The following TMX3 variants were observed in gnomAD, a reference collection of about 807,000 sequenced individuals.
TMX3 encodes the protein thioredoxin related transmembrane protein 3.
TMX3 carries 40 observed loss-of-function variants against 64.4 expected under a neutral mutation model. The ratio of observed to expected loss-of-function variants is 0.62; its 90% CI spans 0.48 to 0.81. The LOEUF (loss-of-function observed/expected upper bound fraction) is 0.81. Ranked by LOEUF, TMX3 falls within the 30% of genes least tolerant of loss-of-function variation. TMX3 has a pLI of 0.00. For missense variants in TMX3, 497 were observed against 534.5 expected, an observed-to-expected ratio of 0.93 and a Z score of 0.69; for synonymous variants, 189 against 175.7, an observed-to-expected ratio of 1.08 and a Z score of -0.60.
intron 15 of TMX3, among the ~76,000 whole-genome samples, 171 bp downstream of exon 15, chr18:68,679,282 TAAACAATTAG>T (rs1231898996): frequency 1.3e-5 from 2 of 152,184 alleles, no homozygotes; most frequent in African/African-American, 4.8e-5. Context: ...ATCAATCATA[TAAACAATTAG>T]AAACAATTTC....
At chr18:68,713,612 A>G (rs2145156480) in intron 2 of TMX3, among the ~76,000 whole-genome samples, 1 of 152,312 alleles carries the variant, frequency 6.6e-6, no homozygotes, top group East Asian at 1.9e-4. Flanking sequence ...CATAAATACA[A>G]GGTAAGATAA....
chr18:68,681,515 T>A, intron 13 of TMX3: 5 of 984,776 alleles, frequency 5.1e-6, no homozygotes, highest in Non-Finnish European at 6.0e-6. Flanking sequence ...ATCTGGTACT[T>A]TAATCTTTGG....
At position 68,697,256 on chromosome 18, in the gene TMX3, G is replaced by T. The variant is rs768554722; in HGVS notation, c.540C>A (p.Phe180Leu). 2.1e-5 allele frequency: 34 copies of T among 1,582,410 alleles called. 1 individual carries two copies. The highest frequency in any genetic ancestry group is 2.7e-5 in the Non-Finnish European group (31 of 1,162,430). Residue 180 changes from phenylalanine (F) to leucine (L), a missense_variant, in exon 8 of 16, where the codon TTC becomes TTA. Transcript: ENST00000299608. ...AASELIVYTY[F>L]FSASEEVVPE... ...GAACCACTTCTTCTGAGGCAGAAAAGAAGTATGTATATACAATCAATTCTG... is the reference window on the plus strand; with the variant it reads ...GAACCACTTCTTCTGAGGCAGAAAATAAGTATGTATATACAATCAATTCTG...
At chr18:68,699,276 C>T (rs1224480838) in intron 6 of TMX3, among the ~76,000 whole-genome samples, 2 of 152,132 alleles carry the variant, frequency 1.3e-5, no homozygotes, top group East Asian at 1.9e-4. Context: ...TCTCCAATTA[C>T]ATCAGGAGAA....
Position 68,681,015 on chromosome 18 carries a change from T to C in TMX3, c.1001A>G (p.Gln334Arg), listed in dbSNP as rs1913369119. ...RQIKNVEDMV[Q>R]FINNILDGTV... Reference sequence around the variant, plus strand: ...GCCATCCAAAATGTTATTAATAAACTGGACCATGTCTTCAACATTCTTAAT... The same window carrying C: ...GCCATCCAAAATGTTATTAATAAACCGGACCATGTCTTCAACATTCTTAAT... Residue 334 changes from glutamine (Q) to arginine (R), a missense_variant, in exon 14 of 16, where the codon CAG (glutamine) becomes CGG (arginine). By Grantham distance (43) the Gln-to-Arg change is conservative. This residue lies in a region of TMX3 where 43 missense variants were observed against 75.3 expected (regional missense o/e 0.57). Transcript: ENST00000299608. 1 of 1,598,948 alleles carries C rather than the reference T, an allele frequency of 6.3e-7. No homozygotes were observed. The highest frequency in any genetic ancestry group is 1.1e-5 in the South Asian group (1 of 87,094).
intron 9 of TMX3, chr18:68,690,993 A>C (rs565832141): frequency 3.4e-6 from 1 of 292,480 alleles, no homozygotes; most frequent in South Asian, 1.5e-4. Flanking sequence ...TTACTTCAAA[A>C]AAATGAATTC....
chr18:68,703,454 G>A (rs1376030008), intron 4 of TMX3, among the ~76,000 whole-genome samples: 1 of 152,100 alleles, frequency 6.6e-6, no homozygotes, highest in Non-Finnish European at 1.5e-5. Context: ...CCCATGATAA[G>A]CCTCAGAGAG....
intron 10 of TMX3, chr18:68,686,669 T>C: frequency 1.1e-6 from 1 of 945,210 alleles, no homozygotes; most frequent in Non-Finnish European, 1.3e-6. Context: ...ATCACGTCAC[T>C]GCACTCCAGC....
chr18:68,692,004 A>G (rs1485059182), intron 8 of TMX3, among the ~76,000 whole-genome samples: 2 of 152,246 alleles, frequency 1.3e-5, no homozygotes, highest in Non-Finnish European at 2.9e-5. Context: ...TAAGTAAATG[A>G]GTAGATAATG....
intron 8 of TMX3, among the ~76,000 whole-genome samples, chr18:68,694,973 G>GA (rs897309921): frequency 3.3e-5 from 5 of 150,168 alleles, no homozygotes; most frequent in Non-Finnish European, 7.4e-5. Flanking sequence ...AGATTCAAAA[G>GA]AAAAAAAAAG....
At chr18:68,682,495 G>C (rs1913531927) in intron 13 of TMX3, among the ~76,000 whole-genome samples, 1 of 152,012 alleles carries the variant, frequency 6.6e-6, no homozygotes, top group African/African-American at 2.4e-5. Flanking sequence ...ATTTTAAACA[G>C]ATAAAAATTT....
chr18:68,709,846 C>CAT (rs201541364), intron 4 of TMX3, among the ~76,000 whole-genome samples, 175 bp downstream of exon 4: 19 of 152,258 alleles, frequency 1.2e-4, no homozygotes, highest in African/African-American at 4.3e-4. Context: ...ACACACACTA[C>CAT]ACGCTACATG....
chr18:68,698,884 T>TGGTAGCGGGCGC (rs71175127), intron 6 of TMX3, among the ~76,000 whole-genome samples: 108,997 of 149,584 alleles, frequency 0.73, 43,720 homozygotes, highest in South Asian at 0.92. Flanking sequence ...TAGCCGGGCG[T>TGGTAGCGGGCGC]GGTAGCGGGC....
chr18:68,697,719 C>T (rs1042345135), intron 7 of TMX3: 17 of 467,004 alleles, frequency 3.6e-5, no homozygotes, highest in African/African-American at 3.2e-4. Flanking sequence ...AGGCAGGCAA[C>T]ATTTACTCAC....
chr18:68,680,944 G>T, intron 14 of TMX3, 37 bp downstream of exon 14: 1 of 1,530,588 alleles, frequency 6.5e-7, no homozygotes, highest in Non-Finnish European at 8.8e-7. Flanking sequence ...TCTACCCCCT[G>T]TCCATCATCT....
rs368392164 is a variant in TMX3, at chr18:68,713,826, A to G, written c.101+20T>C. 76 of 1,212,572 alleles carry G rather than the reference A, an allele frequency of 6.3e-5. No individual in the cohort carries two copies. The African/African-American group carries it at 1.1e-3, about 17-fold the overall frequency. 75.1% of individuals were successfully genotyped at this position (1,212,572 alleles called of 1,614,324 possible). The stretch of plus-strand genomic sequence containing the variant: ...TTGGACAGTTAAAATAATATTTTAA[A>G]TATATATATGTATACTCACGATTCA... On this transcript the variant is annotated intron_variant, in intron 2 of 15. Transcript: ENST00000299608.
chr18:68,707,625 A>C (rs1231924493), intron 4 of TMX3, among the ~76,000 whole-genome samples: 2 of 152,174 alleles, frequency 1.3e-5, no homozygotes, highest in Non-Finnish European at 2.9e-5. Context: ...GTTTATCTTC[A>C]TAGTCCCACA....
At chr18:68,693,518 C>A (rs1914738560) in intron 8 of TMX3, among the ~76,000 whole-genome samples, 1 of 152,116 alleles carries the variant, frequency 6.6e-6, no homozygotes, top group African/African-American at 2.4e-5. Context: ...GATTTTGAAG[C>A]AAAGTTGTGG....
In TMX3 at chr18:68,677,162, C is replaced by A; in HGVS notation, c.1136G>T (p.Cys379Phe). The change falls in exon 16 of 16, where the codon TGC (cysteine) becomes TTC (phenylalanine). Residue 379 changes from cysteine (C) to phenylalanine (F), a missense_variant. Around this residue, in one of 3 missense-constraint regions of TMX3, gnomAD observed 43 missense variants for 75.3 expected, o/e 0.57. Coordinates refer to ENST00000299608, the MANE Select transcript of TMX3 (RefSeq NM_019022.5). ...SIFKSSPLMGCFLFGLPLGVI... is the reference protein window; with the variant it reads ...SIFKSSPLMGFFLFGLPLGVI... ...ACCCAGTGGCAGGCCAAAGAGAAAG[C>A]AGCCCATCAGTGGTGAGCTCTTGAA... 2 of 1,613,660 alleles carry A rather than the reference C, an allele frequency of 1.2e-6. No individual in the cohort carries two copies. The highest frequency in any genetic ancestry group is 1.7e-6 in the Non-Finnish European group (2 of 1,179,684).
Sources: allele counts gnomAD v4.1 joint callset (sites outside exome capture counted in the v4.1 genomes callset), GRCh38; gene constraint gnomAD v4.1.1; regional missense constraint gnomAD v4.1.1; transcripts MANE v1.5; gene names NCBI Gene and HGNC (gene_info 2026-07-23, HGNC 2026-07-21).